Variants in ARHGAP10 observed in about 807,000 individuals in gnomAD.
ARHGAP10 encodes rho GTPase-activating protein 10.
Under a neutral mutation model 108.6 loss-of-function variants are expected in ARHGAP10, and 87 were observed. That is an observed-to-expected ratio of 0.80 (90% CI 0.67 to 0.96). The LOEUF (loss-of-function observed/expected upper bound fraction) is 0.96. Among genes scored for constraint, ARHGAP10 ranks in the 40% least tolerant of loss-of-function variants. The probability of loss-of-function intolerance (pLI) is 0.00; values close to 1 mark genes in which losing one functional copy is unlikely to be tolerated. For missense variants in ARHGAP10, 939 were observed against 954.5 expected (o/e 0.98, Z 0.21); for synonymous variants, 347 against 341.1 (o/e 1.02, Z -0.19).
chr4:148,046,463 T>C (rs1181730174), intron 19 of ARHGAP10, among the ~76,000 whole-genome samples: 1 of 152,192 alleles, frequency 6.6e-6, no homozygotes, highest in Non-Finnish European at 1.5e-5. Context: ...AGTTGTCTAA[T>C]TTATTATGCA....
At chr4:147,769,972 T>C (rs914284924) in intron 1 of ARHGAP10, among the ~76,000 whole-genome samples, 7 of 152,192 alleles carry the variant, frequency 4.6e-5, no homozygotes. Flanking sequence ...ATTCTGTATT[T>C]TATGCACATG....
At chr4:147,834,087 TGAG>T (rs1438092395) in intron 3 of ARHGAP10, among the ~76,000 whole-genome samples, 1 of 152,238 alleles carries the variant, frequency 6.6e-6, no homozygotes, top group African/African-American at 2.4e-5. Flanking sequence ...TTATGGAGGC[TGAG>T]AAGTCCAAGA....
intron 1 of ARHGAP10, among the ~76,000 whole-genome samples, chr4:147,805,067 GTA>G (rs1283595682): frequency 2.6e-5 from 4 of 152,104 alleles, no homozygotes; most frequent in South Asian, 2.1e-4. Context: ...ATCCAGAATG[GTA>G]TTTCCTAGGT....
intron 1 of ARHGAP10, among the ~76,000 whole-genome samples, chr4:147,762,474 T>C (rs1397237541): frequency 6.6e-6 from 1 of 151,516 alleles, no homozygotes; most frequent in Non-Finnish European, 1.5e-5. Flanking sequence ...ATTGGGTAGG[T>C]GAACTAGCAA....
chr4:147,782,601 A>G (rs1288190545), intron 1 of ARHGAP10: 1 of 151,828 alleles, frequency 6.6e-6, no homozygotes, highest in Non-Finnish European at 1.5e-5. Context: ...AGTCACTGCT[A>G]ATATCTAAAT....
At chr4:147,865,010 T>C in intron 6 of ARHGAP10, 54 bp downstream of exon 6, 1 of 1,451,164 alleles carries the variant, frequency 6.9e-7, no homozygotes, top group East Asian at 2.3e-5. Context: ...AGATAAGTAT[T>C]TATTTTCCTA....
chr4:147,973,638 A>G (rs1739491789), intron 18 of ARHGAP10, among the ~76,000 whole-genome samples: 1 of 152,168 alleles, frequency 6.6e-6, no homozygotes, highest in Admixed American at 6.5e-5. Context: ...TATTCTATCT[A>G]ACTGTATTTT....
intron 10 of ARHGAP10, among the ~76,000 whole-genome samples, chr4:147,894,080 A>C (rs970169755): frequency 6.6e-6 from 1 of 152,188 alleles, no homozygotes; most frequent in Admixed American, 6.5e-5. Flanking sequence ...AGCCAGAATA[A>C]AAAGTTTTCT....
chr4:147,739,347 C>T (rs763437526), intron 1 of ARHGAP10, among the ~76,000 whole-genome samples: 3 of 152,096 alleles, frequency 2.0e-5, no homozygotes, highest in African/African-American at 4.8e-5. Flanking sequence ...AATCTATAGT[C>T]GAGGTTCAGG....
chr4:147,732,481 G>A (rs767650689), intron 1 of ARHGAP10, 26 bp downstream of exon 1: 2 of 1,607,046 alleles, frequency 1.2e-6, no homozygotes, highest in East Asian at 4.5e-5. Flanking sequence ...GGCGCGGACG[G>A]GCTGCGGCGT....
intron 16 of ARHGAP10, among the ~76,000 whole-genome samples, chr4:147,957,130 A>G (rs908548065): frequency 6.6e-6 from 1 of 152,136 alleles, no homozygotes; most frequent in African/African-American, 2.4e-5. Flanking sequence ...AGTGATTTGG[A>G]TGACAGGACC....
chr4:147,910,688 A>C (rs1300959549), intron 12 of ARHGAP10, among the ~76,000 whole-genome samples: 1 of 151,978 alleles, frequency 6.6e-6, no homozygotes, highest in Non-Finnish European at 1.5e-5. Flanking sequence ...TTTTTTTTTA[A>C]CTTACATAAA....
chr4:147,946,747 G>C, intron 15 of ARHGAP10, 43 bp downstream of exon 15: 3 of 1,438,758 alleles, frequency 2.1e-6, no homozygotes, highest in Non-Finnish European at 2.8e-6. Context: ...GGACTATTTG[G>C]ATCTGTAACA....
chr4:147,897,261 T>A (rs1736031763), intron 10 of ARHGAP10, among the ~76,000 whole-genome samples: 1 of 151,304 alleles, frequency 6.6e-6, no homozygotes, highest in Non-Finnish European at 1.5e-5. Flanking sequence ...TAATTATTAT[T>A]TTATTATTAT....
At chr4:147,947,102 T>C (rs1272945936) in intron 15 of ARHGAP10, among the ~76,000 whole-genome samples, 1 of 152,204 alleles carries the variant, frequency 6.6e-6, no homozygotes, top group Non-Finnish European at 1.5e-5. Flanking sequence ...TGACAACATG[T>C]CAATGCAAAG....
Position 147,913,290 on chromosome 4 carries a change from T to C in ARHGAP10, c.1228+151T>C, listed in dbSNP as rs151170606. On this transcript the variant is annotated intron_variant, in intron 13 of 22. Transcript: ENST00000336498. ...GTATCAGAAGGATCAGTTATTCATT[T>C]ACTATGACAATGAGGGATTTTCCTT... 1.1e-5 allele frequency: 8 copies of C among 700,326 alleles called. No homozygotes were observed. In the East Asian group the frequency reaches 2.2e-4, roughly 19 times the overall value. 43.4% of individuals were successfully genotyped at this position (700,326 alleles called of 1,614,324 possible).
chr4:147,836,252 T>C (rs1368563237), intron 3 of ARHGAP10, among the ~76,000 whole-genome samples: 1 of 152,162 alleles, frequency 6.6e-6, no homozygotes, highest in African/African-American at 2.4e-5. Flanking sequence ...TTTTTATTTT[T>C]TGAGAGAGCC....
chr4:147,734,032 T>TGAGCATA (rs1294960568), intron 1 of ARHGAP10, among the ~76,000 whole-genome samples: 1 of 151,116 alleles, frequency 6.6e-6, no homozygotes, highest in East Asian at 1.9e-4. Context: ...TATGGAGGAG[T>TGAGCATA]GAGCATAGAA....
At chr4:147,978,352 A>G (rs1239519886) in intron 18 of ARHGAP10, among the ~76,000 whole-genome samples, 1 of 152,060 alleles carries the variant, frequency 6.6e-6, no homozygotes, top group African/African-American at 2.4e-5. Flanking sequence ...TTGACTTTTT[A>G]AATAATCGCC....
Sources: gnomAD v4.1 joint callset for allele counts (sites outside exome capture counted in the v4.1 genomes callset) on GRCh38, gnomAD v4.1.1 for gene constraint, MANE v1.5 for transcripts, NCBI Gene and HGNC (gene_info 2026-07-23, HGNC 2026-07-21) for gene names.